TPTE2: variants seen among roughly 807,000 people sequenced by gnomAD.
TPTE2 encodes transmembrane phosphoinositide 3-phosphatase and tensin homolog 2.
In TPTE2, 53 loss-of-function variants were observed where a neutral mutation model predicts 78.6. The observed-to-expected ratio is 0.67, with a 90% CI of 0.54 to 0.85. TPTE2 has a LOEUF of 0.85. TPTE2 is among the 40% of genes least tolerant of loss of function. The pLI is 0.00. For synonymous variants in TPTE2, 175 were observed against 206.2 expected (o/e 0.85, Z 1.30); for missense variants, 461 against 623.0 (o/e 0.74, Z 2.77).
At chr13:19,483,780 TA>T (rs1478877436) in intron 3 of TPTE2, among the ~76,000 whole-genome samples, 3 of 152,198 alleles carry the variant, frequency 2.0e-5, no homozygotes, top group Non-Finnish European at 4.4e-5. Flanking sequence ...GCTAAAAACA[TA>T]CTTCTTTTTT....
intron 1 of TPTE2, among the ~76,000 whole-genome samples, chr13:19,508,978 T>C (rs1208643875): frequency 3.3e-5 from 5 of 152,202 alleles, no homozygotes; most frequent in African/African-American, 1.2e-4. Context: ...TCTGAATATA[T>C]TGTAATATGA....
At chr13:19,502,165 C>T (rs1176012529) in intron 1 of TPTE2, among the ~76,000 whole-genome samples, 82 of 63,326 alleles carry the variant, frequency 1.3e-3, no homozygotes, top group African/African-American at 5.0e-3. Context: ...CTGGAGAGGA[C>T]GTGGAGAAAT....
intron 13 of TPTE2, 49 bp downstream of exon 16, chr13:19,450,027 T>C (rs759937473): frequency 6.3e-7 from 1 of 1,598,592 alleles, no homozygotes; most frequent in South Asian, 1.1e-5. Flanking sequence ...ACTTTATCTA[T>C]ATTTACATGT....
rs1208875331 is a variant in TPTE2 at position 19,474,979 on chromosome 13, G to A, written c.230+594C>T. 2.6e-5 allele frequency among the ~76,000 whole-genome samples: 4 copies of A among 152,112 alleles called. No homozygotes were observed. In the East Asian group the frequency reaches 7.7e-4, roughly 29 times the overall value. ...GATTTTCATTAATGTTACTTTTGCA[G>A]ATGGAAGAAAAACAATATTAATATG... is the stretch of plus-strand genomic sequence containing the variant. On this transcript the variant is annotated intron_variant, in intron 5 of 19. Transcript: ENST00000400230.
intron 3 of TPTE2, among the ~76,000 whole-genome samples, chr13:19,485,254 T>C (rs1479258062): frequency 6.6e-6 from 1 of 152,158 alleles, no homozygotes; most frequent in Middle Eastern, 3.2e-3. Flanking sequence ...TGGTGATGAA[T>C]TATCTTGGTT....
In TPTE2 at chr13:19,482,625, A is replaced by G; in HGVS notation, c.120-78T>C. On this transcript the variant is annotated intron_variant, in intron 3 of 19. Transcript: ENST00000400230. Reference sequence around the variant, plus strand: ...AAAATAGTGATGAAAAATATATTTGAATAACAAGAATCCCATGAATCTAAA... The same window carrying G: ...AAAATAGTGATGAAAAATATATTTGGATAACAAGAATCCCATGAATCTAAA... 8 of 1,550,062 alleles carry G rather than the reference A, an allele frequency of 5.2e-6. No individual in the cohort carries two copies. In the South Asian group the frequency reaches 9.3e-5, roughly 18 times the overall value.
chr13:19,458,296 A>G, intron 10 of TPTE2: 1 of 181,988 alleles, frequency 5.5e-6, no homozygotes, highest in Middle Eastern at 2.7e-3. Context: ...ACAGTCATTC[A>G]TAATCTGAAT....
At chr13:19,470,174 T>C (rs919984430) in intron 6 of TPTE2, among the ~76,000 whole-genome samples, 4 of 152,194 alleles carry the variant, frequency 2.6e-5, no homozygotes, top group South Asian at 2.1e-4. Context: ...CTGTCATATA[T>C]GGTTTTTATT....
chr13:19,444,960 C>A (rs1877733954), intron 13 of TPTE2, among the ~76,000 whole-genome samples: 1 of 152,198 alleles, frequency 6.6e-6, no homozygotes, highest in Admixed American at 6.5e-5. Flanking sequence ...GCCTTCCTCA[C>A]ACCACACACA....
At chr13:19,560,547 G>C in the TPTE2 span, 5 of 1,595,024 alleles carry the variant, frequency 3.1e-6, no homozygotes, top group African/African-American at 5.4e-5. Flanking sequence ...AGAAGCCTGG[G>C]ATGCTCTTGG....
At position 19,482,457 on chromosome 13, in the gene TPTE2, C is replaced by T. The variant is rs192565473; in HGVS notation, c.179+31G>A. On this transcript the variant is annotated intron_variant, in intron 4 of 19. Transcript: ENST00000400230. Reference sequence around the variant, plus strand: ...CTAAAGGTAAGAGATCCATCAATGGCTCCCTCCTTTCAAACTTCAAACTGA... The same window carrying T: ...CTAAAGGTAAGAGATCCATCAATGGTTCCCTCCTTTCAAACTTCAAACTGA... The T allele has an allele frequency of 6.4e-3, 10,241 of 1,609,258 alleles. 48 individuals are homozygous for T. Among genetic ancestry groups the T allele is most frequent in the Non-Finnish European group, 7.9e-3 (9,327 of 1,177,644 alleles).
chr13:19,460,937 G>A (rs1381813933), intron 10 of TPTE2, among the ~76,000 whole-genome samples: 1 of 152,146 alleles, frequency 6.6e-6, no homozygotes, highest in Non-Finnish European at 1.5e-5. Context: ...CACATTTTGG[G>A]TTATAGCATC....
Position 19,527,194 on chromosome 13 carries a change from A to C in TPTE2, c.-44+9402T>G, listed in dbSNP as rs574328997. 1.7e-3 allele frequency among the ~76,000 whole-genome samples: 254 copies of C among 152,270 alleles called. 1 individual carries two copies. Among genetic ancestry groups the C allele is most frequent in the Non-Finnish European group, 2.9e-3 (200 of 68,024 alleles). On this transcript the variant is annotated intron_variant, in intron 1 of 17. Transcript: ENST00000390680. ...AAGTGCGTGTCGGTTGGCAGGGAAG[A>C]GTGGTTGGTTAATACAGTTAGACAG...
chr13:19,524,958 A>G (rs1262917357), intron 1 of TPTE2, among the ~76,000 whole-genome samples: 1 of 152,222 alleles, frequency 6.6e-6, no homozygotes, highest in Non-Finnish European at 1.5e-5. Context: ...ATTAAGAAGT[A>G]CAGACATTAT....
chr13:19,532,789 C>T (rs1474153031), intron 1 of TPTE2, among the ~76,000 whole-genome samples: 1 of 152,200 alleles, frequency 6.6e-6, no homozygotes, highest in African/African-American at 2.4e-5. Context: ...CTAGGTCTTA[C>T]AGTCAGGACC....
chr13:19,464,567 T>C (rs775039828), intron 9 of TPTE2, 47 bp from the exon 13 acceptor site: 92 of 1,571,184 alleles, frequency 5.9e-5, no homozygotes, highest in Non-Finnish European at 7.7e-5. Flanking sequence ...ATAGATTTCA[T>C]ATAACACAAA....
chr13:19,463,905 G>A (rs1879095276), intron 10 of TPTE2, among the ~76,000 whole-genome samples: 1 of 152,160 alleles, frequency 6.6e-6, no homozygotes, highest in Non-Finnish European at 1.5e-5. Flanking sequence ...TGCTAGCTGT[G>A]GGGTATTGCC....
chr13:19,441,184 T>C (rs1877470942), intron 13 of TPTE2, among the ~76,000 whole-genome samples: 1 of 151,802 alleles, frequency 6.6e-6, no homozygotes, highest in Non-Finnish European at 1.5e-5. Flanking sequence ...CCAAATACCG[T>C]ATGTTCTCAC....
chr13:19,503,149 A>G, intron 1 of TPTE2, 75 bp downstream of exon 4: 6 of 1,600,642 alleles, frequency 3.7e-6, no homozygotes, highest in Non-Finnish European at 5.1e-6. Flanking sequence ...ATATTTGTTT[A>G]TGTGCCTGTG....
Sources: gnomAD v4.1 joint callset for allele counts (sites outside exome capture counted in the v4.1 genomes callset) on GRCh38, gnomAD v4.1.1 for gene constraint, MANE v1.5 for transcripts, NCBI Gene and HGNC (gene_info 2026-07-23, HGNC 2026-07-21) for gene names.